The following HMCES variants were observed in gnomAD, a reference collection of about 807,000 sequenced individuals.
The protein encoded by HMCES is abasic site processing protein HMCES.
In HMCES, 27 loss-of-function variants were observed where a neutral mutation model predicts 35.1. That is an observed-to-expected ratio of 0.77 (90% CI 0.57 to 1.06). The LOEUF (loss-of-function observed/expected upper bound fraction) is 1.06. HMCES is among the 50% of genes least tolerant of loss of function. The pLI, the probability that HMCES is intolerant of heterozygous loss-of-function variation, is 0.00. For synonymous variants in HMCES, 130 were observed against 154.7 expected (o/e 0.84, Z 1.18); for missense variants, 391 against 430.4 (o/e 0.91, Z 0.81).
intron 4 of HMCES, among the ~76,000 whole-genome samples, chr3:129,292,192 A>T (rs1003031406): frequency 2.6e-5 from 4 of 152,192 alleles, no homozygotes; most frequent in Admixed American, 2.0e-4. Context: ...ATTTTTAATT[A>T]GATTATTTAG....
chr3:129,297,594 T>C (rs1049343904), intron 4 of HMCES, among the ~76,000 whole-genome samples: 1 of 152,148 alleles, frequency 6.6e-6, no homozygotes, highest in African/African-American at 2.4e-5. Context: ...CAAACTCCTC[T>C]GAGGTTTGCA....
chr3:129,279,658 G>A lies in HMCES; in HGVS notation c.-23-52G>A. On this transcript the variant is annotated intron_variant, in intron 1 of 6. Coordinates refer to ENST00000383463, the MANE Select transcript of HMCES (RefSeq NM_020187.3). The surrounding 1 kb of genome is among the most constrained non-coding windows in gnomAD (Gnocchi z 4.2). ...GAGAAGGCGGGGACTCAAGGAATAAGACCTAATATTTGAGATACGTAAGCC... is the reference window on the plus strand; with the variant it reads ...GAGAAGGCGGGGACTCAAGGAATAAAACCTAATATTTGAGATACGTAAGCC... 6.5e-7 allele frequency: 1 copy of A among 1,547,694 alleles called. No individual in the cohort carries two copies. Among genetic ancestry groups the A allele is most frequent in the Admixed American group, 1.9e-5 (1 of 53,300 alleles).
At chr3:129,302,486 A>C (rs2071181764) in intron 6 of HMCES, among the ~76,000 whole-genome samples, 1 of 151,920 alleles carries the variant, frequency 6.6e-6, no homozygotes, top group Non-Finnish European at 1.5e-5. Context: ...AGGCCGAGGC[A>C]AGTGGATCAC....
chr3:129,290,700 C>T lies in HMCES; in HGVS notation c.349C>T (p.Arg117Cys), dbSNP rs762095943. 61 of 1,613,352 alleles carry T rather than the reference C, an allele frequency of 3.8e-5. No individual in the cohort carries two copies. Among genetic ancestry groups the T allele is most frequent in the Non-Finnish European group, 4.7e-5 (56 of 1,179,422 alleles). ...TCAGGTGCCTCTGGGAAAGGGAAGACGCTGTGTCGTTTTAGCAGATGGATT... is the reference window on the plus strand; with the variant it reads ...TCAGGTGCCTCTGGGAAAGGGAAGATGCTGTGTCGTTTTAGCAGATGGATT... ...SFKVPLGKGR[R>C]CVVLADGFYE... is the part of the protein sequence containing the mutation. The change falls in exon 4 of 7, where the codon CGC (arginine) becomes TGC (cysteine). Residue 117 changes from arginine to cysteine, a missense_variant. Coordinates refer to ENST00000383463, the MANE Select transcript of HMCES (RefSeq NM_020187.3).
intron 2 of HMCES, among the ~76,000 whole-genome samples, chr3:129,282,900 A>G (rs1290617902): frequency 6.6e-6 from 1 of 152,056 alleles, no homozygotes; most frequent in Non-Finnish European, 1.5e-5. Context: ...ACTACTTTCT[A>G]TTCGTCATTC....
chr3:129,283,276 C>G (rs1576978492), intron 2 of HMCES, among the ~76,000 whole-genome samples: 1 of 151,196 alleles, frequency 6.6e-6, no homozygotes, highest in South Asian at 2.1e-4. Flanking sequence ...TTGACCATTG[C>G]GTAATGTTGT....
intron 4 of HMCES, among the ~76,000 whole-genome samples, chr3:129,293,222 T>G (rs774011563): frequency 2.6e-5 from 4 of 152,198 alleles, no homozygotes; most frequent in Non-Finnish European, 5.9e-5. Context: ...TTGTTTGTTT[T>G]TTAACTCTTT....
In HMCES at chr3:129,293,561, CTTTTTTTTTT is replaced by C. The variant is rs60989412; in HGVS notation, c.453+2774_453+2783del. 1.3e-4 allele frequency among the ~76,000 whole-genome samples: 11 copies of C among 86,714 alleles called. No individual in the cohort carries two copies. In the South Asian group the frequency reaches 3.8e-3, roughly 30 times the overall value. The allele number at this position is 86,714 out of a possible 152,430, so 56.9% of individuals were successfully genotyped here. A position where few individuals can be genotyped will look rare whatever the true frequency, so the allele number is the denominator to read the frequency against. ...TGTATTAGCTTAATATACATTAATT[CTTTTTTTTTT>C]TTTTTTTTTTTTTTTTGAGACAGAG... On this transcript the variant is annotated intron_variant, in intron 4 of 6. Transcript: ENST00000383463.
At chr3:129,285,545 G>A (rs888020664) in intron 2 of HMCES, among the ~76,000 whole-genome samples, 3 of 151,890 alleles carry the variant, frequency 2.0e-5, no homozygotes, top group East Asian at 1.9e-4. Flanking sequence ...TCTTCCTCCC[G>A]GGTTCACGCC....
At chr3:129,285,185 C>T (rs1940601852) in intron 2 of HMCES, among the ~76,000 whole-genome samples, 1 of 152,144 alleles carries the variant, frequency 6.6e-6, no homozygotes, top group Admixed American at 6.6e-5. Flanking sequence ...AAATCCTGTA[C>T]ATGATATACT....
chr3:129,300,180 A>ATG (rs1346250952), intron 5 of HMCES, among the ~76,000 whole-genome samples: 10 of 149,034 alleles, frequency 6.7e-5, no homozygotes, highest in African/African-American at 2.2e-4. Context: ...ATATATATAT[A>ATG]TATATATATA....
intron 5 of HMCES, among the ~76,000 whole-genome samples, chr3:129,299,465 T>C (rs923364261): frequency 1.3e-5 from 2 of 152,176 alleles, no homozygotes; most frequent in Admixed American, 6.5e-5. Flanking sequence ...AGAAATTCTT[T>C]AGCGCATTTT....
intron 4 of HMCES, among the ~76,000 whole-genome samples, chr3:129,297,129 G>A (rs902378681): frequency 3.3e-5 from 5 of 152,154 alleles, no homozygotes; most frequent in African/African-American, 1.2e-4. Flanking sequence ...TTTCTCAGCA[G>A]CCCTCCTCTC....
intron 5 of HMCES, among the ~76,000 whole-genome samples, chr3:129,301,213 A>G (rs1014722447): frequency 7.4e-5 from 10 of 135,728 alleles, no homozygotes; most frequent in East Asian, 5.9e-4. Flanking sequence ...AAAAGAAGAA[A>G]AAAAAAAAAA....
rs1940417544 is a variant in HMCES, at chr3:129,279,888, G to A, written c.156G>A (p.Val52=). Reference sequence around the variant, plus strand: ...AGAGTCCTCAATCCAACAGCCCAGTGCTTCTGTCTCGACTGCACTTTGAGA... The same window carrying A: ...AGAGTCCTCAATCCAACAGCCCAGTACTTCTGTCTCGACTGCACTTTGAGA... The part of the protein sequence containing the change: ...YNKSPQSNSP[V]LLSRLHFEKD... Residue 52 remains valine (V), a synonymous_variant, in exon 2 of 7, where the codon GTG becomes GTA. Coordinates refer to ENST00000383463, the MANE Select transcript of HMCES (RefSeq NM_020187.3). The surrounding 1 kb of genome is among the most constrained non-coding windows in gnomAD (Gnocchi z 4.2). The A allele has an allele frequency of 6.2e-7, 1 of 1,602,406 alleles. No homozygotes were observed. The highest frequency in any genetic ancestry group is 8.5e-7 in the Non-Finnish European group (1 of 1,175,378).
intron 3 of HMCES, among the ~76,000 whole-genome samples, chr3:129,290,154 G>A (rs1324562917): frequency 2.8e-5 from 4 of 141,434 alleles, no homozygotes; most frequent in African/African-American, 1.1e-4. Flanking sequence ...TCACGCCACT[G>A]CACTCCAGCC....
At chr3:129,289,518 G>A (rs1201953563) in intron 3 of HMCES, among the ~76,000 whole-genome samples, 2 of 152,190 alleles carry the variant, frequency 1.3e-5, no homozygotes, top group Non-Finnish European at 2.9e-5. Context: ...TACTTATGCT[G>A]TATTCTTTTA....
chr3:129,298,610 G>A, intron 5 of HMCES, 75 bp downstream of exon 5: 1 of 1,309,020 alleles, frequency 7.6e-7, no homozygotes, highest in East Asian at 2.4e-5. Flanking sequence ...GGTAGCTTTA[G>A]AGAGTAGGAA....
Position 129,279,981 on chromosome 3 carries a change from G to T in HMCES, c.183+66G>T. 7.3e-7 allele frequency: 1 copy of T among 1,378,216 alleles called. No individual in the cohort carries two copies. Among genetic ancestry groups the T allele is most frequent in the Non-Finnish European group, 9.7e-7 (1 of 1,026,852 alleles). 85.4% of individuals were successfully genotyped at this position (1,378,216 alleles called of 1,614,324 possible). ...GTGATGGTCATCTCCTATTTGGTTT[G>T]GTGTGTGCTCAGCCTCTTGGGATGA... On this transcript the variant is annotated intron_variant, in intron 2 of 6. Transcript: ENST00000383463. This position sits in a 1 kb window ranked among gnomAD's most constrained non-coding sequence, Gnocchi z 4.2.
Sources: gnomAD v4.1 joint callset for allele counts (sites outside exome capture counted in the v4.1 genomes callset) on GRCh38, gnomAD v4.1.1 for gene constraint, Gnocchi (gnomAD v3.1) non-coding constraint, MANE v1.5 for transcripts, NCBI Gene and HGNC (gene_info 2026-07-23, HGNC 2026-07-21) for gene names.